The following SKAP1 variants were observed in gnomAD, a reference collection of about 807,000 sequenced individuals.
SKAP1 encodes src kinase-associated phosphoprotein 1.
Under a neutral mutation model 58.5 loss-of-function variants are expected in SKAP1, and 44 were observed. The observed-to-expected ratio is 0.75, with a 90% CI of 0.59 to 0.97. The LOEUF (loss-of-function observed/expected upper bound fraction) is 0.97. SKAP1 is among the 50% of genes least tolerant of loss of function. SKAP1 has a pLI of 0.00. For synonymous variants in SKAP1, 127 were observed against 149.7 expected (o/e 0.85, Z 1.11); for missense variants, 390 against 435.2 (o/e 0.90, Z 0.92).
At chr17:48,328,701 TC>T (rs1332920726) in intron 4 of SKAP1, among the ~76,000 whole-genome samples, 1 of 152,152 alleles carries the variant, frequency 6.6e-6, no homozygotes, top group Non-Finnish European at 1.5e-5. Context: ...CCAGGTCACT[TC>T]CTTTCTTCCA....
At chr17:48,274,916 C>T (rs1440653873) in intron 4 of SKAP1, among the ~76,000 whole-genome samples, 10 of 152,114 alleles carry the variant, frequency 6.6e-5, no homozygotes, top group Non-Finnish European at 2.9e-5. Flanking sequence ...CTACTCCCTT[C>T]CAAGGCCAAC....
chr17:48,408,101 C>A (rs938755403), intron 1 of SKAP1, among the ~76,000 whole-genome samples: 1 of 152,064 alleles, frequency 6.6e-6, no homozygotes, highest in Non-Finnish European at 1.5e-5. Flanking sequence ...TAATTTCTTT[C>A]TTTGTACTTT....
intron 11 of SKAP1, among the ~76,000 whole-genome samples, chr17:48,155,087 C>G (rs1424888038): frequency 9.3e-5 from 14 of 150,376 alleles, no homozygotes; most frequent in Non-Finnish European, 1.3e-4. Flanking sequence ...AAAAAGTTAT[C>G]TTGAATAGTG....
chr17:48,392,874 TA>T (rs1437806989), intron 2 of SKAP1, among the ~76,000 whole-genome samples: 115 of 148,630 alleles, frequency 7.7e-4, no homozygotes, highest in South Asian at 4.2e-3. Context: ...TATATATATA[TA>T]TATTTTTTTT....
intron 11 of SKAP1, among the ~76,000 whole-genome samples, chr17:48,147,224 A>G (rs1198118055): frequency 6.6e-6 from 1 of 152,180 alleles, no homozygotes; most frequent in Non-Finnish European, 1.5e-5. Flanking sequence ...AAGATTAGTA[A>G]ATGCTTGATA....
rs1717225593 is a variant in SKAP1, at chr17:48,186,421, T to G, written c.442+1422A>C. 4.6e-5 allele frequency among the ~76,000 whole-genome samples: 7 copies of G among 152,296 alleles called. 1 individual carries two copies. The South Asian group carries it at 1.2e-3, about 27-fold the overall frequency. On this transcript the variant is annotated intron_variant, in intron 6 of 12. Coordinates refer to ENST00000336915, the MANE Select transcript of SKAP1 (RefSeq NM_003726.4). ...GTGAGACAATTGCTTGGGCAAATCTTAAGGATTTCAAGTCACTTAGCAAAG... is the reference window on the plus strand; with the variant it reads ...GTGAGACAATTGCTTGGGCAAATCTGAAGGATTTCAAGTCACTTAGCAAAG...
chr17:48,139,020 C>T (rs574341970), intron 11 of SKAP1, among the ~76,000 whole-genome samples: 93 of 152,134 alleles, frequency 6.1e-4, no homozygotes, highest in African/African-American at 2.1e-3. Flanking sequence ...TCCTGAGTAG[C>T]TGGGACTACA....
chr17:48,292,350 A>C (rs2065909053), intron 4 of SKAP1, among the ~76,000 whole-genome samples: 1 of 152,144 alleles, frequency 6.6e-6, no homozygotes, highest in African/African-American at 2.4e-5. Flanking sequence ...AAAAAAACCA[A>C]AAAAACAAAA....
At chr17:48,219,292 T>A (rs938382527) in intron 4 of SKAP1, among the ~76,000 whole-genome samples, 6 of 152,204 alleles carry the variant, frequency 3.9e-5, no homozygotes, top group Non-Finnish European at 2.9e-5. Context: ...ACTATTCACT[T>A]CTCATTGGCA....
chr17:48,405,407 T>G (rs2067559680), intron 1 of SKAP1, among the ~76,000 whole-genome samples: 1 of 68,198 alleles, frequency 1.5e-5, no homozygotes, highest in Non-Finnish European at 3.0e-5. Context: ...CTTTCTTTCT[T>G]TCTTTCTTTC....
intron 4 of SKAP1, among the ~76,000 whole-genome samples, chr17:48,318,021 T>C (rs748240751): frequency 3.9e-5 from 6 of 152,194 alleles, no homozygotes; most frequent in Non-Finnish European, 7.4e-5. Context: ...AAAGACTTAA[T>C]GACACCAGAA....
intron 4 of SKAP1, among the ~76,000 whole-genome samples, chr17:48,305,778 A>T (rs1383922219): frequency 6.6e-6 from 1 of 152,242 alleles, no homozygotes; most frequent in Non-Finnish European, 1.5e-5. Flanking sequence ...ACAGAGATAA[A>T]GTAACTTCAC....
At chr17:48,402,168 T>A (rs2067506527) in intron 1 of SKAP1, among the ~76,000 whole-genome samples, 2 of 152,166 alleles carry the variant, frequency 1.3e-5, no homozygotes, top group Non-Finnish European at 2.9e-5. Flanking sequence ...ACATTGCTGG[T>A]AGGAATGTAA....
At chr17:48,136,743 C>T (rs1469511057) in intron 12 of SKAP1, among the ~76,000 whole-genome samples, 1 of 146,306 alleles carries the variant, frequency 6.8e-6, no homozygotes, top group Non-Finnish European at 1.5e-5. Context: ...GGTGTGATCT[C>T]GGCTCACTGC....
intron 4 of SKAP1, among the ~76,000 whole-genome samples, chr17:48,337,679 T>C (rs2144294343): frequency 6.6e-6 from 1 of 152,332 alleles, no homozygotes; most frequent in East Asian, 1.9e-4. Flanking sequence ...TATGGAGCCT[T>C]TTTGAAATTC....
intron 4 of SKAP1, among the ~76,000 whole-genome samples, chr17:48,218,425 T>G (rs1350195260): frequency 3.3e-5 from 5 of 152,234 alleles, no homozygotes; most frequent in African/African-American, 1.2e-4. Flanking sequence ...AAACCTCTAG[T>G]TATCAAAGTC....
intron 4 of SKAP1, among the ~76,000 whole-genome samples, chr17:48,214,544 A>T (rs1283595135): frequency 6.6e-6 from 1 of 151,900 alleles, no homozygotes; most frequent in Non-Finnish European, 1.5e-5. Flanking sequence ...AAGTGCTGGA[A>T]TTACAGGCAT....
intron 2 of SKAP1, among the ~76,000 whole-genome samples, chr17:48,393,542 T>C (rs141269719): frequency 6.6e-6 from 1 of 152,282 alleles, no homozygotes; most frequent in African/African-American, 2.4e-5. Flanking sequence ...ATAGCTGTGA[T>C]AGAGTCAGAT....
intron 4 of SKAP1, among the ~76,000 whole-genome samples, chr17:48,215,202 A>G (rs576832205): frequency 1.3e-4 from 20 of 152,272 alleles, no homozygotes; most frequent in South Asian, 1.0e-3. Flanking sequence ...TATATCTAAA[A>G]TGTGTTTTAT....
Sources: gnomAD v4.1 joint callset for allele counts (sites outside exome capture counted in the v4.1 genomes callset) on GRCh38, gnomAD v4.1.1 for gene constraint, MANE v1.5 for transcripts, NCBI Gene and HGNC (gene_info 2026-07-23, HGNC 2026-07-21) for gene names.